Variants in CAB39 observed in about 807,000 individuals in gnomAD.
CAB39 encodes the protein calcium binding protein 39, also known as calcium-binding protein 39.
Under a neutral mutation model 40.0 loss-of-function variants are expected in CAB39, and 8 were observed. The ratio of observed to expected loss-of-function variants is 0.20; its 90% confidence interval spans 0.12 to 0.36. The LOEUF is 0.36. Ranked by LOEUF, CAB39 falls within the 10% of genes least tolerant of loss-of-function variation. The pLI is 1.00. For synonymous variants in CAB39, 156 were observed against 141.6 expected (o/e 1.10, Z -0.72); for missense variants, 270 against 401.1 (o/e 0.67, Z 2.79).
At chr2:230,784,833 C>T (rs1450675635) in intron 2 of CAB39, among the ~76,000 whole-genome samples, 1 of 152,180 alleles carries the variant, frequency 6.6e-6, no homozygotes, top group Non-Finnish European at 1.5e-5. Context: ...CACGAGAGCA[C>T]ACCGAACAAA....
intron 1 of CAB39, among the ~76,000 whole-genome samples, chr2:230,728,066 C>T (rs1694618455): frequency 1.3e-5 from 2 of 152,022 alleles, no homozygotes; most frequent in Admixed American, 6.5e-5. Flanking sequence ...TGGTGAAACC[C>T]AGTCTCTACT....
At chr2:230,754,337 TTCCTCTTCTTCCTTCC>T (rs1559598946) in intron 1 of CAB39, among the ~76,000 whole-genome samples, 9 of 88,350 alleles carry the variant, frequency 1.0e-4, no homozygotes, top group Non-Finnish European at 1.6e-4. Context: ...TTCTTCTTCC[TTCCTCTTCTTCCTTCC>T]TCTTCTTCCG....
chr2:230,760,142 G>GCTAATTAAGATATTTC, intron 2 of CAB39, 27 bp downstream of exon 2: 1 of 1,398,970 alleles, frequency 7.1e-7, no homozygotes, highest in Non-Finnish European at 1.0e-6. Context: ...ATTTATATTT[G>GCTAATTAAGATATTTC]AAATATCTTA....
intron 5 of CAB39, among the ~76,000 whole-genome samples, chr2:230,805,304 A>T (rs901817538): frequency 1.3e-5 from 2 of 152,144 alleles, no homozygotes; most frequent in African/African-American, 4.8e-5. Context: ...AATGTAAATG[A>T]TGGGTTAATG....
In CAB39 at chr2:230,782,810, TTTC is replaced by T. The variant is rs1165228747; in HGVS notation, c.115-8059_115-8057del. Among the ~76,000 whole-genome samples, 222 of 112,614 alleles carry T rather than the reference TTTC, an allele frequency of 2.0e-3. 8 individuals carry two copies. Among genetic ancestry groups the T allele is most frequent in the African/African-American group, 0.011 (199 of 18,840 alleles). The allele number at this position is 112,614 out of a possible 152,430, so 73.9% of individuals were successfully genotyped here. On this transcript the variant is annotated intron_variant, in intron 2 of 8. Transcript: ENST00000258418. ...TGCTGTTTCTTTCTTTCTTTCTTTCTTTCTTTTTTTTTTTTTTTTTTTGAGAAG... is the reference window on the plus strand; with the variant it reads ...TGCTGTTTCTTTCTTTCTTTCTTTCTTTTTTTTTTTTTTTTTTTTGAGAAG...
intron 1 of CAB39, among the ~76,000 whole-genome samples, chr2:230,720,966 C>A (rs1030726493): frequency 6.6e-6 from 1 of 152,122 alleles, no homozygotes; most frequent in Non-Finnish European, 1.5e-5. Context: ...ATAAGTTTTT[C>A]CTATGTATGT....
At chr2:230,810,136 A>G (rs925787553) in intron 5 of CAB39, 127 bp from the exon 6 acceptor site, 4 of 555,268 alleles carry the variant, frequency 7.2e-6, no homozygotes, top group South Asian at 2.3e-5. Flanking sequence ...AATACAATTC[A>G]TGCTAAAATG....
rs1047809675 is a variant in CAB39, at chr2:230,802,154, T to C, written c.567+3257T>C. On this transcript the variant is annotated intron_variant, in intron 5 of 8. Transcript: ENST00000258418. Reference sequence around the variant, plus strand: ...ACATGGAAACTGAACAACCTGCTCCTGAATGACTACTGGGTAAATAACGAA... The same window carrying C: ...ACATGGAAACTGAACAACCTGCTCCCGAATGACTACTGGGTAAATAACGAA... Among the ~76,000 whole-genome samples, 29 of 152,194 alleles carry C rather than the reference T, an allele frequency of 1.9e-4. 1 individual carries two copies. The highest frequency in any genetic ancestry group is 5.9e-5 in the Non-Finnish European group (4 of 68,030).
Position 230,820,619 on chromosome 2 carries a change from T to G in CAB39, c.*1915T>G, listed in dbSNP as rs907363735. 1 of 152,622 alleles carries G rather than the reference T, an allele frequency of 6.6e-6. No homozygotes were observed. Among genetic ancestry groups the G allele is most frequent in the Non-Finnish European group, 1.5e-5 (1 of 68,048 alleles). The allele number at this position is 152,622 out of a possible 1,614,324, so 9.5% of individuals were successfully genotyped here. A position where few individuals can be genotyped will look rare whatever the true frequency, so the allele number is the denominator to read the frequency against. On this transcript the variant is annotated 3_prime_UTR_variant, in exon 9 of 9. Coordinates refer to ENST00000258418, the MANE Select transcript of CAB39 (RefSeq NM_016289.4). ...TGGAAGAAACGTCTTCTTGCCAAGC[T>G]CATTCTTAGAACTTACACATCTAGA...
At chr2:230,792,787 C>G (rs767558088) in intron 3 of CAB39, among the ~76,000 whole-genome samples, 2 of 152,114 alleles carry the variant, frequency 1.3e-5, no homozygotes, top group African/African-American at 4.8e-5. Context: ...GTATATTTTC[C>G]TCTCCTTCCA....
chr2:230,786,805 A>G (rs1003456420), intron 2 of CAB39, among the ~76,000 whole-genome samples: 1 of 152,220 alleles, frequency 6.6e-6, no homozygotes, highest in African/African-American at 2.4e-5. Context: ...GAGATAGTAA[A>G]ATGGAGTAGA....
Position 230,773,314 on chromosome 2 carries a change from A to ATATATGTGTGTGTG in CAB39, c.114+13200_114+13201insATATGTGTGTGTGT, listed in dbSNP as rs371297550. Among the ~76,000 whole-genome samples, 286 of 132,664 alleles carry ATATATGTGTGTGTG rather than the reference A, an allele frequency of 2.2e-3. 4 individuals are homozygous for ATATATGTGTGTGTG. The highest frequency in any genetic ancestry group is 8.2e-3 in the African/African-American group (267 of 32,402). 87.0% of individuals were successfully genotyped at this position (132,664 alleles called of 152,430 possible). A position where few individuals can be genotyped will look rare whatever the true frequency, so the allele number is the denominator to read the frequency against. ...GGTGTATGTGTATATATATATATAT[A>ATATATGTGTGTGTG]TGTGTGTGTGTGTGTGTGTGTGTGT... On this transcript the variant is annotated intron_variant, in intron 2 of 8. Transcript: ENST00000258418.
At chr2:230,784,396 A>C (rs1695751875) in intron 2 of CAB39, among the ~76,000 whole-genome samples, 1 of 152,204 alleles carries the variant, frequency 6.6e-6, no homozygotes, top group South Asian at 2.1e-4. Flanking sequence ...AAAGAACTGG[A>C]TTAGAGATAG....
chr2:230,787,385 T>C (rs1695812300), intron 2 of CAB39, among the ~76,000 whole-genome samples: 1 of 152,200 alleles, frequency 6.6e-6, no homozygotes, highest in South Asian at 2.1e-4. Flanking sequence ...GAGATTTTCA[T>C]ATGTATGTGA....
intron 6 of CAB39, 37 bp from the exon 7 acceptor site, chr2:230,814,012 T>C (rs964953675): frequency 2.3e-6 from 1 of 428,536 alleles, no homozygotes; most frequent in Non-Finnish European, 4.3e-6. Context: ...TTTTTTTTTT[T>C]GGCAATAACC....
intron 1 of CAB39, among the ~76,000 whole-genome samples, chr2:230,728,591 C>T (rs1415743341): frequency 1.3e-5 from 2 of 152,136 alleles, no homozygotes; most frequent in Non-Finnish European, 2.9e-5. Context: ...CATGAGCCGT[C>T]GCACCCTGCC....
intron 2 of CAB39, among the ~76,000 whole-genome samples, chr2:230,783,722 G>A (rs975656710): frequency 4.6e-5 from 7 of 151,958 alleles, no homozygotes; most frequent in Admixed American, 2.6e-4. Context: ...GGCTGGTCTC[G>A]AACTCCTGAG....
chr2:230,769,670 CA>C (rs1005856515), intron 2 of CAB39, among the ~76,000 whole-genome samples: 4 of 151,984 alleles, frequency 2.6e-5, no homozygotes, highest in Admixed American at 1.3e-4. Context: ...ACTCATGGAT[CA>C]AAGAAGATAT....
At position 230,748,813 on chromosome 2, in the gene CAB39, GA is replaced by G. The variant is rs759314442; in HGVS notation, c.-43-11127del. On this transcript the variant is annotated intron_variant, in intron 1 of 8. Coordinates refer to ENST00000258418, the MANE Select transcript of CAB39 (RefSeq NM_016289.4). ...TAGAGTGAGATTCTATTTCCAAAAA[GA>G]AAAAAAAAAAAAAAAAAATATATAT... Among the ~76,000 whole-genome samples the G allele has an allele frequency of 3.6e-3, 114 of 31,714 alleles. 1 individual carries two copies. The highest frequency in any genetic ancestry group is 0.023 in the East Asian group (18 of 784). 20.8% of individuals were successfully genotyped at this position (31,714 alleles called of 152,430 possible). A position where few individuals can be genotyped will look rare whatever the true frequency, so the allele number is the denominator to read the frequency against.
Sources: allele counts gnomAD v4.1 joint callset (sites outside exome capture counted in the v4.1 genomes callset), GRCh38; gene constraint gnomAD v4.1.1; transcripts MANE v1.5; gene names NCBI Gene and HGNC (gene_info 2026-07-23, HGNC 2026-07-21).